ALK: variants seen among roughly 807,000 people sequenced by gnomAD.
ALK encodes ALK tyrosine kinase receptor.
ALK carries 74 observed loss-of-function variants against 163.1 expected under a neutral mutation model. That is an observed-to-expected ratio of 0.45 (90% CI 0.38 to 0.55). The LOEUF (loss-of-function observed/expected upper bound fraction) is 0.55. Ranked by LOEUF, ALK falls within the 20% of genes least tolerant of loss-of-function variation. ALK has a pLI of 0.00. For synonymous variants in ALK, 960 were observed against 843.2 expected (o/e 1.14, Z -2.40); for missense variants, 2,063 against 2,105.3 (o/e 0.98, Z 0.39).
chr2:29,759,438 T>C (rs993214935), intron 1 of ALK, among the ~76,000 whole-genome samples: 3 of 150,056 alleles, frequency 2.0e-5, no homozygotes, highest in African/African-American at 7.3e-5. Flanking sequence ...TGTGCATGTG[T>C]GCGTGCGTGC....
chr2:29,581,523 G>A (rs960093778), intron 3 of ALK, among the ~76,000 whole-genome samples: 5 of 152,156 alleles, frequency 3.3e-5, no homozygotes, highest in African/African-American at 7.2e-5. Context: ...GGACCACTTC[G>A]TCATATCCAC....
intron 1 of ALK, among the ~76,000 whole-genome samples, chr2:29,760,217 C>A (rs1180455558): frequency 6.6e-6 from 1 of 152,030 alleles, no homozygotes; most frequent in Admixed American, 6.6e-5. Flanking sequence ...ACACACACAT[C>A]CCTATATACA....
chr2:29,197,481 A>C, intron 27 of ALK, 61 bp downstream of exon 27: 1 of 1,606,878 alleles, frequency 6.2e-7, no homozygotes, highest in East Asian at 2.2e-5. Flanking sequence ...GTGGCTCTGG[A>C]TATTTTTTGA....
intron 1 of ALK, among the ~76,000 whole-genome samples, chr2:29,767,850 G>T (rs966834954): frequency 6.6e-6 from 1 of 152,194 alleles, no homozygotes; most frequent in Admixed American, 6.5e-5. Context: ...TGTCAACAGG[G>T]ATGTCAAACA....
intron 3 of ALK, among the ~76,000 whole-genome samples, chr2:29,552,864 C>A (rs1573450764): frequency 6.6e-6 from 1 of 152,192 alleles, no homozygotes; most frequent in Non-Finnish European, 1.5e-5. Flanking sequence ...GCTGCCTGGG[C>A]TCCCTCTCCA....
chr2:29,304,183 G>C (rs184991988), intron 8 of ALK, among the ~76,000 whole-genome samples: 14 of 152,324 alleles, frequency 9.2e-5, no homozygotes, highest in African/African-American at 2.9e-4. Flanking sequence ...TAGCATCAGT[G>C]TTACCTGGGA....
chr2:29,448,841 C>T (rs187181526), intron 4 of ALK, among the ~76,000 whole-genome samples: 1 of 152,296 alleles, frequency 6.6e-6, no homozygotes. Flanking sequence ...GCACCTGAAT[C>T]CTCTTAGAAA....
intron 13 of ALK, among the ~76,000 whole-genome samples, chr2:29,238,680 C>G (rs1664444356): frequency 6.6e-6 from 1 of 152,220 alleles, no homozygotes. Context: ...ACTCTCCCCA[C>G]ATGCCCCTGC....
At chr2:29,706,298 G>A (rs1678910321) in intron 2 of ALK, among the ~76,000 whole-genome samples, 3 of 152,190 alleles carry the variant, frequency 2.0e-5, no homozygotes, top group Admixed American at 2.0e-4. Context: ...CGATGATTAG[G>A]GACTGTGGCT....
intron 7 of ALK, among the ~76,000 whole-genome samples, chr2:29,319,919 AG>A (rs1164668751): frequency 6.6e-6 from 1 of 152,262 alleles, no homozygotes; most frequent in East Asian, 1.9e-4. Flanking sequence ...GCAAATGAAG[AG>A]GACAGAAGAA....
chr2:29,803,928 T>C (rs1237413228), intron 1 of ALK, among the ~76,000 whole-genome samples: 1 of 152,140 alleles, frequency 6.6e-6, no homozygotes, highest in Non-Finnish European at 1.5e-5. Flanking sequence ...AGGCTGAGAA[T>C]AAATTAACCT....
chr2:29,372,532 T>C (rs1668662485), intron 5 of ALK, among the ~76,000 whole-genome samples: 1 of 152,206 alleles, frequency 6.6e-6, no homozygotes, highest in East Asian at 1.9e-4. Context: ...CCCAGTTTGA[T>C]TTTCCACTAG....
intron 1 of ALK, among the ~76,000 whole-genome samples, chr2:29,736,672 G>A (rs1454120240): frequency 6.6e-6 from 1 of 151,976 alleles, no homozygotes; most frequent in East Asian, 1.9e-4. Flanking sequence ...GCCTTATGTA[G>A]TGTCGACTTT....
At position 29,445,358 on chromosome 2, in the gene ALK, C is replaced by T. The variant is rs559572977; in HGVS notation, c.1155-61499G>A. Among the ~76,000 whole-genome samples the T allele has an allele frequency of 2.0e-5, 3 of 152,276 alleles. No individual in the cohort carries two copies. The East Asian group carries it at 5.8e-4, about 29-fold the overall frequency. On this transcript the variant is annotated intron_variant, in intron 4 of 28. Transcript: ENST00000389048. ...CTATAAGCTGCTTATATTTTCACCC[C>T]ATTACCATAACTTTCAAATAACTGT... is the stretch of plus-strand genomic sequence containing the variant.
rs182795046 is a variant in ALK, at chr2:29,321,119, A to T, written c.1415-237T>A. ...CTACAGAAAACAAAATAGGAAAAAT[A>T]ACTCTTCAGCATGGGTGTTGTTAGT... is the stretch of plus-strand genomic sequence containing the variant. On this transcript the variant is annotated intron_variant, in intron 6 of 28. Transcript: ENST00000389048. 2.0e-5 allele frequency among the ~76,000 whole-genome samples: 3 copies of T among 152,358 alleles called. No individual in the cohort carries two copies. In the East Asian group the frequency reaches 5.8e-4, roughly 29 times the overall value.
chr2:29,763,086 C>CAA (rs1034835014), intron 1 of ALK, among the ~76,000 whole-genome samples: 86 of 52,594 alleles, frequency 1.6e-3, no homozygotes, highest in African/African-American at 1.7e-3. Context: ...GACTCCATCT[C>CAA]AAAAAAAAAA....
chr2:29,838,872 CT>C (rs1332474067), intron 1 of ALK, among the ~76,000 whole-genome samples: 2 of 151,772 alleles, frequency 1.3e-5, no homozygotes, highest in African/African-American at 4.9e-5. Flanking sequence ...AAAACTCATC[CT>C]ACTGGACACA....
intron 6 of ALK, among the ~76,000 whole-genome samples, chr2:29,324,400 A>C (rs1182410329): frequency 6.6e-6 from 1 of 152,240 alleles, no homozygotes; most frequent in East Asian, 1.9e-4. Flanking sequence ...GAAGAAATAC[A>C]TCAAAATATT....
At chr2:29,779,295 C>A (rs1681269465) in intron 1 of ALK, among the ~76,000 whole-genome samples, 1 of 152,224 alleles carries the variant, frequency 6.6e-6, no homozygotes, top group Non-Finnish European at 1.5e-5. Context: ...GCTCCAAGAG[C>A]CTCTAGCACC....
Sources: gnomAD v4.1 joint callset for allele counts (sites outside exome capture counted in the v4.1 genomes callset) on GRCh38, gnomAD v4.1.1 for gene constraint, MANE v1.5 for transcripts, NCBI Gene and HGNC (gene_info 2026-07-23, HGNC 2026-07-21) for gene names.